BBS9: variants seen among roughly 807,000 people sequenced by gnomAD.
BBS9 encodes Bardet-Biedl syndrome 9, also known as protein PTHB1.
Under a neutral mutation model 117.7 loss-of-function variants are expected in BBS9, and 89 were observed. The observed-to-expected ratio is 0.76, with a 90% CI of 0.64 to 0.90. The LOEUF (loss-of-function observed/expected upper bound fraction) is 0.90, where lower values mean the gene tolerates loss of function less well. Among genes scored for constraint, BBS9 ranks in the 40% least tolerant of loss-of-function variants. The pLI is 0.00. For synonymous variants in BBS9, 379 were observed against 370.9 expected (o/e 1.02, Z -0.25); for missense variants, 982 against 1,042.2 (o/e 0.94, Z 0.80).
chr7:33,381,931 CA>C (rs1825115564), intron 17 of BBS9, among the ~76,000 whole-genome samples: 1 of 152,060 alleles, frequency 6.6e-6, no homozygotes, highest in African/African-American at 2.4e-5. Flanking sequence ...TCCTAATAAC[CA>C]ATCCGAAGAA....
At chr7:33,504,423 G>T (rs1278582769) in intron 19 of BBS9, among the ~76,000 whole-genome samples, 1 of 152,092 alleles carries the variant, frequency 6.6e-6, no homozygotes, top group Admixed American at 6.5e-5. Context: ...GCTGTACATT[G>T]TACTTGTTTG....
At chr7:33,230,309 C>G (rs1056235454) in intron 5 of BBS9, among the ~76,000 whole-genome samples, 74 of 152,054 alleles carry the variant, frequency 4.9e-4, no homozygotes, top group African/African-American at 1.8e-3. Context: ...GGTGTGATTT[C>G]CAAGAAATCA....
intron 9 of BBS9, among the ~76,000 whole-genome samples, chr7:33,317,655 C>T (rs1810806605): frequency 6.6e-6 from 1 of 152,150 alleles, no homozygotes; most frequent in African/African-American, 2.4e-5. Context: ...TCTTTTCTTT[C>T]CTGGATTTAC....
intron 19 of BBS9, among the ~76,000 whole-genome samples, chr7:33,409,972 T>G (rs1410184663): frequency 2.0e-5 from 3 of 152,138 alleles, no homozygotes; most frequent in African/African-American, 7.2e-5. Flanking sequence ...ATCTGTGATC[T>G]CTTCTGCCTT....
At position 33,452,290 on chromosome 7, in the gene BBS9, C is replaced by T. The variant is rs558901926; in HGVS notation, c.2116-53173C>T. 4.6e-5 allele frequency among the ~76,000 whole-genome samples: 7 copies of T among 152,128 alleles called. No homozygotes were observed. The East Asian group carries it at 1.3e-3, about 29-fold the overall frequency. ...ACTAAGTGTTTGATTCTGAGAACTACCTCTTTAACATTAGCTTATAGAATT... is the reference window on the plus strand; with the variant it reads ...ACTAAGTGTTTGATTCTGAGAACTATCTCTTTAACATTAGCTTATAGAATT... On this transcript the variant is annotated intron_variant, in intron 19 of 22. Coordinates refer to ENST00000242067, the MANE Select transcript of BBS9 (RefSeq NM_198428.3).
chr7:33,367,230 A>G (rs1448572412), intron 16 of BBS9, among the ~76,000 whole-genome samples: 1 of 152,204 alleles, frequency 6.6e-6, no homozygotes, highest in Non-Finnish European at 1.5e-5. Flanking sequence ...TTTTAAATAA[A>G]TAGAGCTTAA....
intron 9 of BBS9, among the ~76,000 whole-genome samples, chr7:33,295,556 A>G (rs927563725): frequency 6.6e-6 from 1 of 151,978 alleles, no homozygotes; most frequent in Non-Finnish European, 1.5e-5. Context: ...GTTAAAAAAA[A>G]TAGTCTATTA....
chr7:33,163,433 G>A (rs941397215), intron 4 of BBS9, among the ~76,000 whole-genome samples: 3 of 152,164 alleles, frequency 2.0e-5, no homozygotes, highest in African/African-American at 7.2e-5. Flanking sequence ...ACCTCTGGTA[G>A]AATTCGGCTG....
At chr7:33,409,422 C>CCCATG (rs2128815658) in intron 19 of BBS9, among the ~76,000 whole-genome samples, 1 of 152,212 alleles carries the variant, frequency 6.6e-6, no homozygotes, top group East Asian at 1.9e-4. Flanking sequence ...GAGTCTCTTC[C>CCCATG]CCATGCTTAT....
At chr7:33,360,354 A>G (rs899893130) in intron 16 of BBS9, among the ~76,000 whole-genome samples, 1 of 152,146 alleles carries the variant, frequency 6.6e-6, no homozygotes, top group African/African-American at 2.4e-5. Flanking sequence ...AACCCTAACA[A>G]CAATGTTTGA....
At chr7:33,383,645 T>G in intron 17 of BBS9, 21 bp from the exon 18 acceptor site, 1 of 1,587,114 alleles carries the variant, frequency 6.3e-7, no homozygotes, top group Non-Finnish European at 8.6e-7. Context: ...TAAGCATTTT[T>G]CCTTAATTTT....
intron 5 of BBS9, among the ~76,000 whole-genome samples, chr7:33,203,148 G>A (rs986554): frequency 0.16 from 24,279 of 152,096 alleles, 2,223 homozygotes; most frequent in South Asian, 0.26. Context: ...GTAGGGGTTG[G>A]TAAGGTAGTT....
intron 21 of BBS9, among the ~76,000 whole-genome samples, chr7:33,596,990 T>C (rs1245063399): frequency 6.6e-6 from 1 of 151,650 alleles, no homozygotes; most frequent in Admixed American, 6.6e-5. Flanking sequence ...ACTAACAGAG[T>C]AGAGAATTAT....
chr7:33,139,034 C>T (rs1791031510), intron 1 of BBS9, among the ~76,000 whole-genome samples: 1 of 151,252 alleles, frequency 6.6e-6, no homozygotes, highest in Admixed American at 6.6e-5. Flanking sequence ...CGGCGGATCA[C>T]CTAAGTTCAG....
chr7:33,231,602 T>C (rs1237162793), intron 5 of BBS9, among the ~76,000 whole-genome samples: 2 of 152,026 alleles, frequency 1.3e-5, no homozygotes, highest in African/African-American at 2.4e-5. Flanking sequence ...GGGATTTTTT[T>C]CCTATTTCTG....
chr7:33,265,354 A>G (rs547606274), intron 7 of BBS9, among the ~76,000 whole-genome samples: 28 of 152,192 alleles, frequency 1.8e-4, no homozygotes, highest in Non-Finnish European at 3.5e-4. Flanking sequence ...AGTAAAAAGT[A>G]AAAGAGCACA....
intron 21 of BBS9, among the ~76,000 whole-genome samples, chr7:33,573,831 T>A (rs1858248356): frequency 6.6e-6 from 1 of 152,070 alleles, no homozygotes; most frequent in Admixed American, 6.6e-5. Context: ...GAGAGTAGGG[T>A]ATGAGAACAT....
intron 5 of BBS9, among the ~76,000 whole-genome samples, chr7:33,238,357 C>G (rs958689649): frequency 1.3e-5 from 2 of 151,946 alleles, no homozygotes; most frequent in Non-Finnish European, 2.9e-5. Context: ...ATGGCGCGAT[C>G]TTAGCTCACT....
chr7:33,255,896 G>A (rs749170489), intron 5 of BBS9, among the ~76,000 whole-genome samples: 13 of 152,134 alleles, frequency 8.5e-5, no homozygotes, highest in Non-Finnish European at 1.5e-4. Context: ...GGTGGCTCAC[G>A]CCTGTAGTCC....
Sources: allele counts gnomAD v4.1 joint callset (sites outside exome capture counted in the v4.1 genomes callset), GRCh38; gene constraint gnomAD v4.1.1; transcripts MANE v1.5; gene names NCBI Gene and HGNC (gene_info 2026-07-23, HGNC 2026-07-21).